Variants in PFKFB3 observed in about 807,000 individuals in gnomAD.
PFKFB3 encodes 6-phosphofructo-2-kinase/fructose-2,6-biphosphatase 3.
Under a neutral mutation model 68.0 loss-of-function variants are expected in PFKFB3, and 33 were observed. The observed-to-expected ratio is 0.49, with a 90% CI of 0.37 to 0.65. PFKFB3 has a LOEUF of 0.65. Among genes scored for constraint, PFKFB3 ranks in the 30% least tolerant of loss-of-function variants. The pLI is 0.00. For synonymous variants in PFKFB3, 315 were observed against 288.2 expected (o/e 1.09, Z -0.94); for missense variants, 586 against 712.2 (o/e 0.82, Z 2.02).
chr10:6,196,309 ATT>A (rs1843174951), intron 1 of PFKFB3, among the ~76,000 whole-genome samples: 1 of 151,848 alleles, frequency 6.6e-6, no homozygotes, highest in South Asian at 2.1e-4. Flanking sequence ...TTTTTGTATT[ATT>A]TTTTGTAGAG....
At chr10:6,179,439 C>G (rs565593916) in intron 1 of PFKFB3, among the ~76,000 whole-genome samples, 2 of 152,356 alleles carry the variant, frequency 1.3e-5, no homozygotes, top group Non-Finnish European at 2.9e-5. Flanking sequence ...TTGTTCCCTT[C>G]TGTGCTGGAC....
chr10:6,189,307 T>G (rs113214202), intron 1 of PFKFB3, among the ~76,000 whole-genome samples: 2,114 of 152,320 alleles, frequency 0.014, 66 homozygotes, highest in African/African-American at 0.048. Context: ...GGTCACTTAT[T>G]TTTTAGAATA....
chr10:6,173,405 A>AT (rs1842368849), intron 1 of PFKFB3, among the ~76,000 whole-genome samples: 1 of 152,166 alleles, frequency 6.6e-6, no homozygotes, highest in South Asian at 2.1e-4. Flanking sequence ...TGTCCTGTGC[A>AT]TATGGTTACA....
chr10:6,201,711 C>T (rs1362969934), upstream of PFKFB3, among the ~76,000 whole-genome samples: 2 of 152,270 alleles, frequency 1.3e-5, no homozygotes, highest in East Asian at 3.9e-4. This position sits in a 1 kb window ranked among gnomAD's most constrained non-coding sequence, Gnocchi z 4.1. Context: ...CGAGCGCCGC[C>T]TTCCCTCCAA....
rs200996135 is a variant in PFKFB3 at position 6,203,334 on chromosome 10, G to C, written c.74G>C (p.Arg25Thr). Residue 25 changes from arginine (R) to threonine (T), a missense_variant and splice_region_variant, in exon 1 of 15, where the codon AGA becomes ACA. By Grantham distance (71) the Arg-to-Thr change is moderately conservative. Coordinates refer to ENST00000379775, the MANE Select transcript of PFKFB3 (RefSeq NM_004566.4). Reference sequence around the variant, plus strand: ...GTGGACCACAGGCCCTCGTTGCCCAGATGTGAGTGCAGCTGCGCGGAGCCG... The same window carrying C: ...GTGGACCACAGGCCCTCGTTGCCCACATGTGAGTGCAGCTGCGCGGAGCCG... ...VPVDHRPSLP[R>T]SCGPKLTNSP... 12 of 1,605,622 alleles carry C rather than the reference G, an allele frequency of 7.5e-6. No individual in the cohort carries two copies. The highest frequency in any genetic ancestry group is 1.0e-5 in the Non-Finnish European group (12 of 1,176,340).
chr10:6,213,803 T>C (rs1230342502), intron 2 of PFKFB3, 55 bp downstream of exon 2: 1 of 1,582,596 alleles, frequency 6.3e-7, no homozygotes, highest in Non-Finnish European at 8.6e-7. Context: ...TGACCTTCCA[T>C]CTCAGTTGCT....
chr10:6,184,200 C>T (rs1405663624), intron 1 of PFKFB3, among the ~76,000 whole-genome samples: 1 of 151,654 alleles, frequency 6.6e-6, no homozygotes, highest in East Asian at 1.9e-4. Context: ...TTGTAGGTGC[C>T]CACCACCACG....
upstream of PFKFB3, among the ~76,000 whole-genome samples, chr10:6,199,744 G>A (rs7090350): frequency 0.11 from 14,255 of 132,838 alleles, 1,011 homozygotes; most frequent in African/African-American, 0.21. Flanking sequence ...CAAGCAATCC[G>A]TCCGCCTGAG....
the PFKFB3 span, among the ~76,000 whole-genome samples, chr10:6,280,188 C>T: frequency 4.6e-5 from 7 of 152,246 alleles, no homozygotes; most frequent in Admixed American, 3.3e-4. Context: ...AACTGCCTCA[C>T]GTCTACCAGG....
At chr10:6,214,316 C>A (rs1180263278) in intron 2 of PFKFB3, among the ~76,000 whole-genome samples, 1 of 152,104 alleles carries the variant, frequency 6.6e-6, no homozygotes, top group Non-Finnish European at 1.5e-5. Context: ...TAATCTAATG[C>A]CTGATGATCT....
At chr10:6,253,899 C>A (rs147647642) in intron 14 of PFKFB3, among the ~76,000 whole-genome samples, 2,718 of 152,098 alleles carry the variant, frequency 0.018, 49 homozygotes, top group Non-Finnish European at 0.027. Context: ...CAAAAATTAG[C>A]CAGGCATGGT....
At chr10:6,167,954 TC>T (rs138961557) in intron 1 of PFKFB3, among the ~76,000 whole-genome samples, 38,536 of 152,110 alleles carry the variant, frequency 0.25, 5,108 homozygotes, top group South Asian at 0.38. Context: ...CCTAGGTCGT[TC>T]CTGCTTTTTT....
rs1420351399 is a variant in PFKFB3, at chr10:6,222,887, A to G, written c.1116A>G (p.Pro372=). 1.9e-6 allele frequency: 3 copies of G among 1,613,892 alleles called. No individual in the cohort carries two copies. The highest frequency in any genetic ancestry group is 1.3e-5 in the African/African-American group (1 of 75,036). The part of the protein sequence containing the change: ...SYQDLVQRLE[P]VIMELERQEN... ...AGGACCTGGTCCAGCGCTTGGAGCC[A>G]GTGATCATGGAGCTGGAGCGGCAGG... Residue 372 remains proline (P), a synonymous_variant, in exon 11 of 15, where the codon CCA becomes CCG. Coordinates refer to ENST00000379775, the MANE Select transcript of PFKFB3 (RefSeq NM_004566.4).
chr10:6,303,639 C>A, the PFKFB3 span, among the ~76,000 whole-genome samples: 2 of 151,640 alleles, frequency 1.3e-5, no homozygotes, highest in African/African-American at 4.8e-5. Flanking sequence ...ATAGTGAAAC[C>A]CCATCTCTAC....
At chr10:6,221,257 GGCCT>G (rs773326547) in intron 8 of PFKFB3, 120 bp from the exon 9 acceptor site, 2 of 1,138,120 alleles carry the variant, frequency 1.8e-6, no homozygotes, top group Non-Finnish European at 1.2e-6. Flanking sequence ...CTGTCCCAGT[GGCCT>G]GGGGCCCCCA....
downstream of PFKFB3, among the ~76,000 whole-genome samples, chr10:6,259,582 T>TCATCCATCCATCCATCCATC (rs111915905): frequency 2.4e-4 from 33 of 135,076 alleles, no homozygotes; most frequent in African/African-American, 9.3e-4. Context: ...ATCCATCCAC[T>TCATCCATCCATCCATCCATC]CATCCATCCA....
intron 1 of PFKFB3, among the ~76,000 whole-genome samples, chr10:6,155,369 ATT>A (rs370160231): frequency 0.02 from 3,046 of 151,020 alleles, 63 homozygotes; most frequent in East Asian, 0.06. Flanking sequence ...CGCCCGGCTA[ATT>A]TTTTTTGTAT....
At chr10:6,171,096 A>G (rs956515928) in intron 1 of PFKFB3, among the ~76,000 whole-genome samples, 1 of 151,994 alleles carries the variant, frequency 6.6e-6, no homozygotes. Flanking sequence ...CAGTGGTGCA[A>G]TGGTGCAATG....
At chr10:6,155,295 C>T (rs1009652306) in intron 1 of PFKFB3, among the ~76,000 whole-genome samples, 1 of 151,640 alleles carries the variant, frequency 6.6e-6, no homozygotes, top group East Asian at 1.9e-4. Context: ...CTCCGCCTCC[C>T]GGGTTCATGC....
Sources: gnomAD v4.1 joint callset for allele counts (sites outside exome capture counted in the v4.1 genomes callset) on GRCh38, gnomAD v4.1.1 for gene constraint, Gnocchi (gnomAD v3.1) non-coding constraint, MANE v1.5 for transcripts, NCBI Gene and HGNC (gene_info 2026-07-23, HGNC 2026-07-21) for gene names.